Variants in LEPR observed in about 807,000 individuals in gnomAD.
LEPR encodes leptin receptor.
In LEPR, 56 loss-of-function variants were observed where a neutral mutation model predicts 114.7. The observed-to-expected ratio is 0.49, with a 90% CI of 0.39 to 0.61. LEPR has a LOEUF of 0.61. Among genes scored for constraint, LEPR ranks in the 20% least tolerant of loss-of-function variants. The pLI is 0.00. For missense variants in LEPR, 1,202 were observed against 1,352.9 expected (o/e 0.89, Z 1.75); for synonymous variants, 443 against 461.4 (o/e 0.96, Z 0.51).
chr1:65,549,809 A>G (rs1451769610), intron 2 of LEPR, among the ~76,000 whole-genome samples: 2 of 151,960 alleles, frequency 1.3e-5, no homozygotes, highest in Admixed American at 1.3e-4. Flanking sequence ...TTCTTCTCTC[A>G]CCTCGTCAAA....
chr1:65,540,395 C>T (rs1249156089), intron 2 of LEPR, among the ~76,000 whole-genome samples: 6 of 152,126 alleles, frequency 3.9e-5, no homozygotes, highest in African/African-American at 1.2e-4. Context: ...GGGTCCCTCA[C>T]GAATGGCTTG....
intron 2 of LEPR, among the ~76,000 whole-genome samples, 185 bp downstream of exon 2, chr1:65,425,563 T>A (rs1646344930): frequency 6.6e-6 from 1 of 152,200 alleles, no homozygotes; most frequent in South Asian, 2.1e-4. Flanking sequence ...TAAAAATTGA[T>A]GTATTCATTC....
At chr1:65,614,919 A>C (rs1439604456) in intron 14 of LEPR, among the ~76,000 whole-genome samples, 1 of 152,176 alleles carries the variant, frequency 6.6e-6, no homozygotes, top group Non-Finnish European at 1.5e-5. Flanking sequence ...GTTGGGGCAG[A>C]AAATATACGA....
In LEPR at chr1:65,544,303, C is replaced by A. The variant is rs546029698; in HGVS notation, c.-20-21243C>A. Among the ~76,000 whole-genome samples, 11 of 152,112 alleles carry A rather than the reference C, an allele frequency of 7.2e-5. No homozygotes were observed. The South Asian group carries it at 2.1e-3, about 29-fold the overall frequency. On this transcript the variant is annotated intron_variant, in intron 2 of 19. Coordinates refer to ENST00000349533, the MANE Select transcript of LEPR (RefSeq NM_002303.6). ...CACACATTGATTTTGTATCCTGAGACTTTGCTGAAGTTGCTTATCAGCTTA... is the reference window on the plus strand; with the variant it reads ...CACACATTGATTTTGTATCCTGAGAATTTGCTGAAGTTGCTTATCAGCTTA...
intron 2 of LEPR, among the ~76,000 whole-genome samples, chr1:65,518,868 TTTCTTTTTC>T (rs1649430994): frequency 7.1e-6 from 1 of 140,672 alleles, no homozygotes; most frequent in African/African-American, 2.7e-5. Context: ...TCTTTCTTTC[TTTCTTTTTC>T]TTTCTTTCTT....
chr1:65,564,974 G>A (rs1190644108), intron 2 of LEPR, among the ~76,000 whole-genome samples: 2 of 152,152 alleles, frequency 1.3e-5, no homozygotes, highest in Admixed American at 6.5e-5. Flanking sequence ...TAAGCCACCA[G>A]ACTTTTAATT....
At chr1:65,635,063 A>C (rs1658670405) in intron 19 of LEPR, 2 of 874,938 alleles carry the variant, frequency 2.3e-6, no homozygotes, top group African/African-American at 3.6e-5. Context: ...AACATATTTT[A>C]CTTAAGAGTA....
At chr1:65,505,936 C>T (rs1019343694) in intron 2 of LEPR, among the ~76,000 whole-genome samples, 2 of 152,108 alleles carry the variant, frequency 1.3e-5, no homozygotes, top group African/African-American at 2.4e-5. Flanking sequence ...GCCAAGATAA[C>T]GTCTTGCCTA....
intron 2 of LEPR, among the ~76,000 whole-genome samples, chr1:65,522,838 GTTT>G (rs34483675): frequency 2.0e-5 from 3 of 147,506 alleles, no homozygotes; most frequent in South Asian, 2.1e-4. Flanking sequence ...TCCTTTTAGG[GTTT>G]TTTTTTTTTC....
At chr1:65,608,627 T>G in intron 11 of LEPR, 126 bp from the exon 12 acceptor site, 1 of 1,084,226 alleles carries the variant, frequency 9.2e-7, no homozygotes, top group South Asian at 1.6e-5. Context: ...AATGAGATAA[T>G]GAGTGAGAAA....
At position 65,609,428 on chromosome 1, in the gene LEPR, A is replaced by G. The variant is rs139729198; in HGVS notation, c.1753-519A>G. Reference sequence around the variant, plus strand: ...TCCCGTAGTGGCAAGTGTGCCTATCATGGCATTCCACATCAGCTTTGTGAC... The same window carrying G: ...TCCCGTAGTGGCAAGTGTGCCTATCGTGGCATTCCACATCAGCTTTGTGAC... On this transcript the variant is annotated intron_variant, in intron 12 of 19. Transcript: ENST00000349533. Among the ~76,000 whole-genome samples, 514 of 152,332 alleles carry G rather than the reference A, an allele frequency of 3.4e-3. 1 individual carries two copies. Among genetic ancestry groups the G allele is most frequent in the Non-Finnish European group, 5.6e-3 (379 of 68,030 alleles).
In LEPR at chr1:65,605,169, G is replaced by T; in HGVS notation, c.1535G>T (p.Trp512Leu). 1 of 1,614,062 alleles carries T rather than the reference G, an allele frequency of 6.2e-7. No individual in the cohort carries two copies. The highest frequency in any genetic ancestry group is 1.3e-5 in the African/African-American group (1 of 75,002). ...PIFLLSGYTM[W>L]IRINHSLGSL... is the part of the protein sequence containing the mutation. The stretch of plus-strand genomic sequence containing the variant: ...TTCCTATTATCTGGCTACACAATGT[G>T]GATTAGGATCAATCACTCTCTAGGT... Residue 512 changes from tryptophan to leucine, a missense_variant, in exon 11 of 20, where the codon TGG (tryptophan) becomes TTG (leucine). Trp to Leu is a moderately conservative substitution (Grantham distance 61). Coordinates refer to ENST00000349533, the MANE Select transcript of LEPR (RefSeq NM_002303.6).
rs372471417 is a variant in LEPR, at chr1:65,565,541, T to G, written c.-20-5T>G. On this transcript the variant is annotated splice_polypyrimidine_tract_variant and splice_region_variant and intron_variant, in intron 2 of 19. Transcript: ENST00000349533. ...GTGTTCTGATTTTAGATTTACCTTTTCCAGGTGTACTTCTCTGAAGTAAGA... is the reference window on the plus strand; with the variant it reads ...GTGTTCTGATTTTAGATTTACCTTTGCCAGGTGTACTTCTCTGAAGTAAGA... 10 of 1,613,816 alleles carry G rather than the reference T, an allele frequency of 6.2e-6. No homozygotes were observed. The Admixed American group carries it at 1.7e-4, about 27-fold the overall frequency.
rs564424903 is a variant in LEPR, at chr1:65,637,353, T to G, written c.*338T>G. 1.5e-5 allele frequency: 3 copies of G among 206,004 alleles called. No individual in the cohort carries two copies. The highest frequency in any genetic ancestry group is 8.4e-5 in the African/African-American group (3 of 35,804). 12.8% of individuals were successfully genotyped at this position (206,004 alleles called of 1,614,324 possible). On this transcript the variant is annotated 3_prime_UTR_variant, in exon 20 of 20. Coordinates refer to ENST00000349533, the MANE Select transcript of LEPR (RefSeq NM_002303.6). ...GTTGTTTTACCTCAAGTTTTTGTTTTGTACCAACACACACACACACACACA... is the reference window on the plus strand; with the variant it reads ...GTTGTTTTACCTCAAGTTTTTGTTTGGTACCAACACACACACACACACACA...
intron 2 of LEPR, among the ~76,000 whole-genome samples, chr1:65,447,024 A>G (rs1295095796): frequency 2.0e-5 from 3 of 151,564 alleles, no homozygotes; most frequent in African/African-American, 7.3e-5. Flanking sequence ...TAGAGACAGG[A>G]TTTCGCCATG....
At position 65,507,459 on chromosome 1, in the gene LEPR, G is replaced by GTGTGTATA. The variant is rs375120311; in HGVS notation, c.-20-58086_-20-58085insGTGTATAT. On this transcript the variant is annotated intron_variant, in intron 2 of 19. Transcript: ENST00000349533. ...CCATTGTGTGTGTGTGTGTGTGTGT[G>GTGTGTATA]TATATATATATATACACATATATAT... Among the ~76,000 whole-genome samples the GTGTGTATA allele has an allele frequency of 3.9e-3, 550 of 139,538 alleles. 1 individual carries two copies. Among genetic ancestry groups the GTGTGTATA allele is most frequent in the Non-Finnish European group, 6.5e-3 (420 of 64,924 alleles). 91.5% of individuals were successfully genotyped at this position (139,538 alleles called of 152,430 possible). A position where few individuals can be genotyped will look rare whatever the true frequency, so the allele number is the denominator to read the frequency against.
Position 65,570,451 on chromosome 1 carries a change from T to C in LEPR, c.41-22T>C, listed in dbSNP as rs374145226. On this transcript the variant is annotated intron_variant, in intron 3 of 19. Transcript: ENST00000349533. ...GTCAAAATGATTACTTTTTTCTATG[T>C]GTCTTTTTAATATCCTAACAGAATT... is the stretch of plus-strand genomic sequence containing the variant. 3.4e-5 allele frequency: 55 copies of C among 1,607,850 alleles called. No individual in the cohort carries two copies. The African/African-American group carries it at 6.7e-4, about 20-fold the overall frequency.
Position 65,633,778 on chromosome 1 carries a change from A to T in LEPR, c.2674-2413A>T. 1 of 985,636 alleles carries T rather than the reference A, an allele frequency of 1.0e-6. No individual in the cohort carries two copies. Among genetic ancestry groups the T allele is most frequent in the Non-Finnish European group, 1.2e-6 (1 of 830,132 alleles). 61.1% of individuals were successfully genotyped at this position (985,636 alleles called of 1,614,324 possible). ...TTCAATCTGGGAATTTCAGTTTTCAATATCCTTGAAAATGGCTTAAGTGAT... is the reference window on the plus strand; with the variant it reads ...TTCAATCTGGGAATTTCAGTTTTCATTATCCTTGAAAATGGCTTAAGTGAT... On this transcript the variant is annotated intron_variant, in intron 19 of 19. Transcript: ENST00000349533. The surrounding 1 kb of genome is among the most constrained non-coding windows in gnomAD (Gnocchi z 4.1).
At chr1:65,523,023 A>G (rs1571151) in intron 2 of LEPR, among the ~76,000 whole-genome samples, 18,720 of 152,190 alleles carry the variant, frequency 0.12, 1,442 homozygotes, top group South Asian at 0.29. Context: ...GTATGTACCC[A>G]ATATTGTGCC....
Sources: allele counts gnomAD v4.1 joint callset (sites outside exome capture counted in the v4.1 genomes callset), GRCh38; gene constraint gnomAD v4.1.1; non-coding constraint Gnocchi (gnomAD v3.1); transcripts MANE v1.5; gene names NCBI Gene and HGNC (gene_info 2026-07-23, HGNC 2026-07-21).